Variants in ST3GAL1 observed in about 807,000 individuals in gnomAD.
The protein encoded by ST3GAL1 is ST3 beta-galactoside alpha-2,3-sialyltransferase 1.
Under a neutral mutation model 34.1 loss-of-function variants are expected in ST3GAL1, and 16 were observed. That is an observed-to-expected ratio of 0.47 (90% CI 0.32 to 0.71). ST3GAL1 has a LOEUF of 0.71. Among genes scored for constraint, ST3GAL1 ranks in the 30% least tolerant of loss-of-function variants. ST3GAL1 has a pLI of 0.04. For synonymous variants in ST3GAL1, 191 were observed against 184.7 expected (o/e 1.03, Z -0.28); for missense variants, 353 against 447.4 (o/e 0.79, Z 1.90).
chr8:133,570,624 G>A lies in ST3GAL1; in HGVS notation c.-582+1069C>T, dbSNP rs1244305543. ...AGGCCAGGCTAATGCGCGCTCCGAC[G>A]TCTCTGTGCCAAGCCGGGGCGCAAG... is the stretch of plus-strand genomic sequence containing the variant. On this transcript the variant is annotated intron_variant, in intron 1 of 9. Transcript: ENST00000522652. This position sits in a 1 kb window ranked among gnomAD's most constrained non-coding sequence, Gnocchi z 5.6. 1.3e-5 allele frequency among the ~76,000 whole-genome samples: 2 copies of A among 152,188 alleles called. No individual in the cohort carries two copies. The highest frequency in any genetic ancestry group is 3.9e-4 in the East Asian group (2 of 5,188).
rs541517960 is a variant in ST3GAL1 at position 133,467,805 on chromosome 8, G to A, written c.307-1715C>T. Among the ~76,000 whole-genome samples, 3 of 152,098 alleles carry A rather than the reference G, an allele frequency of 2.0e-5. 1 individual carries two copies. Among genetic ancestry groups the A allele is most frequent in the Non-Finnish European group, 4.4e-5 (3 of 68,028 alleles). On this transcript the variant is annotated intron_variant, in intron 5 of 9. Coordinates refer to ENST00000522652, the MANE Select transcript of ST3GAL1 (RefSeq NM_173344.3). The surrounding 1 kb of genome is among the most constrained non-coding windows in gnomAD (Gnocchi z 4.2). Reference sequence around the variant, plus strand: ...AGTCCCCACTGCAATGGAAGGAATCGGATGCCCCAAGGGGAGGCACACAAG... The same window carrying A: ...AGTCCCCACTGCAATGGAAGGAATCAGATGCCCCAAGGGGAGGCACACAAG...
intron 2 of ST3GAL1, among the ~76,000 whole-genome samples, chr8:133,538,183 T>C (rs917079980): frequency 6.6e-6 from 1 of 152,234 alleles, no homozygotes; most frequent in African/African-American, 2.4e-5. Context: ...TTTGCTGCTG[T>C]ATCCGAAGTA....
chr8:133,480,778 C>G (rs943200418), intron 3 of ST3GAL1, among the ~76,000 whole-genome samples: 3 of 152,214 alleles, frequency 2.0e-5, no homozygotes, highest in Non-Finnish European at 4.4e-5. Context: ...AATACCTGCT[C>G]TTATCTTCCC....
At chr8:133,509,370 C>G (rs960727099) in intron 2 of ST3GAL1, among the ~76,000 whole-genome samples, 2 of 152,252 alleles carry the variant, frequency 1.3e-5, no homozygotes, top group African/African-American at 4.8e-5. Flanking sequence ...TAGGGCCAGA[C>G]AGACGTGGGT....
rs1293265807 is a variant in ST3GAL1, at chr8:133,456,800, C to CAG, written c.*2962_*2963dup. ...CGGCGCTGAGAGAGCACAGGAGAGT[C>CAG]AGACACCTCCATTCTGGTTACACTT... On this transcript the variant is annotated 3_prime_UTR_variant, in exon 10 of 10. Coordinates refer to ENST00000522652, the MANE Select transcript of ST3GAL1 (RefSeq NM_173344.3). The CAG allele has an allele frequency of 6.6e-6, 1 of 152,266 alleles. No homozygotes were observed. The highest frequency in any genetic ancestry group is 1.5e-5 in the Non-Finnish European group (1 of 68,076). 9.4% of individuals were successfully genotyped at this position (152,266 alleles called of 1,614,324 possible).
In ST3GAL1 at chr8:133,541,108, T is replaced by TAGAGAGAGAGAG. The variant is rs1216030600; in HGVS notation, c.-429+4665_-429+4666insCTCTCTCTCTCT. Among the ~76,000 whole-genome samples, 5 of 45,718 alleles carry TAGAGAGAGAGAG rather than the reference T, an allele frequency of 1.1e-4. No individual in the cohort carries two copies. The East Asian group carries it at 2.3e-3, about 21-fold the overall frequency. 30.0% of individuals were successfully genotyped at this position (45,718 alleles called of 152,430 possible). A position where few individuals can be genotyped will look rare whatever the true frequency, so the allele number is the denominator to read the frequency against. ...ATATATATATAAACATATATATATA[T>TAGAGAGAGAGAG]ATATATATATATAGAGAGAGAGAGA... On this transcript the variant is annotated intron_variant, in intron 2 of 9. Transcript: ENST00000522652.
intron 2 of ST3GAL1, among the ~76,000 whole-genome samples, chr8:133,528,011 A>G (rs1293683295): frequency 8.7e-5 from 6 of 68,740 alleles, no homozygotes; most frequent in South Asian, 9.6e-4. Flanking sequence ...TCTCTACTGA[A>G]AAAAAAAAAA....
At position 133,459,709 on chromosome 8, in the gene ST3GAL1, T is replaced by C. The variant is rs557346494; in HGVS notation, c.*55A>G. On this transcript the variant is annotated 3_prime_UTR_variant, in exon 10 of 10. Coordinates refer to ENST00000522652, the MANE Select transcript of ST3GAL1 (RefSeq NM_173344.3). This position sits in a 1 kb window ranked among gnomAD's most constrained non-coding sequence, Gnocchi z 4.7. ...GGATGGAACGGCTCCAGCAAGATGCTGGGGCTGGAAATGCAGAGGTGTGAC... is the reference window on the plus strand; with the variant it reads ...GGATGGAACGGCTCCAGCAAGATGCCGGGGCTGGAAATGCAGAGGTGTGAC... The C allele has an allele frequency of 5.0e-5, 77 of 1,545,044 alleles. No individual in the cohort carries two copies. In the South Asian group the frequency reaches 8.2e-4, roughly 17 times the overall value.
At chr8:133,490,511 G>A (rs1338816274) in intron 3 of ST3GAL1, among the ~76,000 whole-genome samples, 1 of 152,220 alleles carries the variant, frequency 6.6e-6, no homozygotes, top group Non-Finnish European at 1.5e-5. Flanking sequence ...TGATCCACAA[G>A]TGGCAGGTGA....
At chr8:133,512,975 AG>A (rs912563713) in intron 2 of ST3GAL1, among the ~76,000 whole-genome samples, 6 of 152,186 alleles carry the variant, frequency 3.9e-5, no homozygotes, top group African/African-American at 1.4e-4. Flanking sequence ...GAGGGGAGGA[AG>A]GGGCCTGATG....
chr8:133,470,485 G>A (rs1263221314), intron 5 of ST3GAL1, among the ~76,000 whole-genome samples: 1 of 152,144 alleles, frequency 6.6e-6, no homozygotes, highest in Non-Finnish European at 1.5e-5. Context: ...GAAGTTCAGG[G>A]ACACGCCCTC....
At chr8:133,499,305 A>C (rs1817072928) in intron 2 of ST3GAL1, 116 bp from the exon 3 acceptor site, 2 of 152,208 alleles carry the variant, frequency 1.3e-5, no homozygotes, top group Admixed American at 6.5e-5. Context: ...TTAAGTGCTC[A>C]TGTGAAGCCT....
At chr8:133,495,777 T>C (rs539696267) in intron 3 of ST3GAL1, among the ~76,000 whole-genome samples, 1 of 152,370 alleles carries the variant, frequency 6.6e-6, no homozygotes, top group East Asian at 1.9e-4. Flanking sequence ...ATATGGGCGT[T>C]CTGCCTGCTC....
At chr8:133,512,689 G>A (rs774660302) in intron 2 of ST3GAL1, among the ~76,000 whole-genome samples, 19 of 152,120 alleles carry the variant, frequency 1.2e-4, no homozygotes, top group East Asian at 1.9e-4. Context: ...TCTCCAGTAC[G>A]TCATGAGACC....
intron 3 of ST3GAL1, among the ~76,000 whole-genome samples, chr8:133,498,672 T>C (rs1817048334): frequency 6.6e-6 from 1 of 151,888 alleles, no homozygotes; most frequent in African/African-American, 2.4e-5. Context: ...CCATCCAGAG[T>C]GGTGCTGAGT....
intron 1 of ST3GAL1, chr8:133,567,324 G>A (rs2131121008): frequency 6.6e-6 from 1 of 152,320 alleles, no homozygotes; most frequent in Middle Eastern, 3.4e-3. Context: ...GGTGCTCCTG[G>A]AAGGTAATAA....
intron 2 of ST3GAL1, among the ~76,000 whole-genome samples, chr8:133,541,196 G>A (rs957020010): frequency 1.4e-5 from 2 of 143,120 alleles, no homozygotes; most frequent in Non-Finnish European, 3.0e-5. Flanking sequence ...TAGGATCTTT[G>A]TCTGATTAGA....
Position 133,457,458 on chromosome 8 carries a change from T to A in ST3GAL1, c.*2306A>T, listed in dbSNP as rs542590312. ...ATCTGGAGTCTGCCCCTGGGGTCAC[T>A]CAGTCACTCAACAAACATTTGTTGA... is the stretch of plus-strand genomic sequence containing the variant. On this transcript the variant is annotated 3_prime_UTR_variant, in exon 10 of 10. Transcript: ENST00000522652. The A allele has an allele frequency of 6.6e-6, 1 of 152,324 alleles. No homozygotes were observed. The highest frequency in any genetic ancestry group is 1.5e-5 in the Non-Finnish European group (1 of 68,036). The allele number at this position is 152,324 out of a possible 1,614,324, so 9.4% of individuals were successfully genotyped here. A position where few individuals can be genotyped will look rare whatever the true frequency, so the allele number is the denominator to read the frequency against.
intron 3 of ST3GAL1, among the ~76,000 whole-genome samples, chr8:133,485,753 T>C (rs1437266887): frequency 7.5e-6 from 1 of 132,798 alleles, no homozygotes; most frequent in Non-Finnish European, 1.6e-5. Context: ...TCTTAGGAGG[T>C]GTCATGGGCT....
Sources: gnomAD v4.1 joint callset for allele counts (sites outside exome capture counted in the v4.1 genomes callset) on GRCh38, gnomAD v4.1.1 for gene constraint, Gnocchi (gnomAD v3.1) non-coding constraint, MANE v1.5 for transcripts, NCBI Gene and HGNC (gene_info 2026-07-23, HGNC 2026-07-21) for gene names.